The following TRPM7 variants were observed in gnomAD, a reference collection of about 807,000 sequenced individuals.
The protein encoded by TRPM7 is LTRPC ion channel family member 7.
Under a neutral mutation model 229.7 loss-of-function variants are expected in TRPM7, and 134 were observed. The ratio of observed to expected loss-of-function variants is 0.58; its 90% CI spans 0.51 to 0.67. The LOEUF (loss-of-function observed/expected upper bound fraction) is 0.67. Ranked by LOEUF, TRPM7 falls within the 30% of genes least tolerant of loss-of-function variation. TRPM7 has a pLI of 0.00. For missense variants in TRPM7, 1,901 were observed against 2,210.0 expected (o/e 0.86, Z 2.80); for synonymous variants, 699 against 715.2 (o/e 0.98, Z 0.36).
intron 36 of TRPM7, among the ~76,000 whole-genome samples, 168 bp from the exon 37 acceptor site, chr15:50,570,323 T>A (rs1029659505): frequency 1.3e-5 from 2 of 152,176 alleles, no homozygotes; most frequent in African/African-American, 4.8e-5. Flanking sequence ...ATTTCATAAC[T>A]TGATTTATGA....
chr15:50,668,366 T>C (rs1243030811), intron 1 of TRPM7, among the ~76,000 whole-genome samples: 1 of 152,218 alleles, frequency 6.6e-6, no homozygotes, highest in Non-Finnish European at 1.5e-5. Context: ...CAGTCAAGGA[T>C]TTGAGCTATT....
At position 50,648,546 on chromosome 15, in the gene TRPM7, C is replaced by A. The variant is rs919403029; in HGVS notation, c.321+141G>T. 1.2e-5 allele frequency: 7 copies of A among 579,992 alleles called. No individual in the cohort carries two copies. In the African/African-American group the frequency reaches 1.4e-4, roughly 11 times the overall value. 35.9% of individuals were successfully genotyped at this position (579,992 alleles called of 1,614,324 possible). On this transcript the variant is annotated intron_variant, in intron 4 of 38. Transcript: ENST00000646667. ...TTCAATCCACCAGAAAGATACAATT[C>A]TATATTTGTATGCACCTTTGTACTT...
intron 36 of TRPM7, among the ~76,000 whole-genome samples, chr15:50,570,864 C>T (rs1415885194): frequency 3.4e-5 from 5 of 147,672 alleles, no homozygotes; most frequent in Non-Finnish European, 5.9e-5. Flanking sequence ...AAAAAAAAAA[C>T]AAAAACAAAA....
chr15:50,682,600 G>C (rs1596358528), intron 1 of TRPM7, among the ~76,000 whole-genome samples: 2 of 151,234 alleles, frequency 1.3e-5, no homozygotes. Context: ...AAATTCCAGA[G>C]CAATTTCCTA....
At chr15:50,569,085 TA>T (rs2053750325) in intron 38 of TRPM7, among the ~76,000 whole-genome samples, 1 of 152,082 alleles carries the variant, frequency 6.6e-6, no homozygotes, top group Non-Finnish European at 1.5e-5. Context: ...AGGGTCTCAC[TA>T]TGTTGCCCAA....
intron 1 of TRPM7, among the ~76,000 whole-genome samples, chr15:50,679,502 T>TACAC (rs1491462521): frequency 2.4e-5 from 2 of 84,784 alleles, no homozygotes; most frequent in African/African-American, 9.4e-5. Flanking sequence ...TATATATGTG[T>TACAC]ATATATATAA....
At chr15:50,588,716 G>T (rs116093737) in intron 27 of TRPM7, among the ~76,000 whole-genome samples, 1 of 152,026 alleles carries the variant, frequency 6.6e-6, no homozygotes, top group Non-Finnish European at 1.5e-5. Context: ...TAATTATCTT[G>T]TTGTAGCCAC....
chr15:50,605,176 A>T (rs1485966277), intron 20 of TRPM7, 32 bp from the exon 21 acceptor site: 10 of 1,533,152 alleles, frequency 6.5e-6, no homozygotes, highest in Non-Finnish European at 7.9e-6. Context: ...AAAAAAGTGT[A>T]ATCAGTTTAT....
At chr15:50,598,122 T>C (rs897807078) in intron 22 of TRPM7, among the ~76,000 whole-genome samples, 2 of 151,844 alleles carry the variant, frequency 1.3e-5, no homozygotes, top group Non-Finnish European at 2.9e-5. Flanking sequence ...CTTGACCTAA[T>C]CACCCATAAA....
intron 1 of TRPM7, among the ~76,000 whole-genome samples, chr15:50,679,366 G>A (rs1478147226): frequency 6.7e-6 from 1 of 149,954 alleles, no homozygotes; most frequent in Non-Finnish European, 1.5e-5. Flanking sequence ...TGGACGCTTG[G>A]ACGTTCACAC....
intron 13 of TRPM7, among the ~76,000 whole-genome samples, chr15:50,618,397 C>T (rs573671595): frequency 1.3e-5 from 2 of 151,914 alleles, no homozygotes; most frequent in African/African-American, 2.4e-5. Context: ...GGTGAAACCC[C>T]GTCTCTACTA....
chr15:50,596,713 A>T (rs1039512371), intron 22 of TRPM7, among the ~76,000 whole-genome samples: 8 of 152,208 alleles, frequency 5.3e-5, no homozygotes, highest in African/African-American at 1.9e-4. Flanking sequence ...AAATTCCTGG[A>T]TCAACCATAT....
intron 27 of TRPM7, among the ~76,000 whole-genome samples, chr15:50,589,232 G>C (rs1489009728): frequency 7.0e-6 from 1 of 142,070 alleles, no homozygotes; most frequent in East Asian, 2.2e-4. Flanking sequence ...TGAGGCAGGA[G>C]AATCACTTGA....
At chr15:50,622,612 C>A (rs1284001348) in intron 12 of TRPM7, among the ~76,000 whole-genome samples, 1 of 152,076 alleles carries the variant, frequency 6.6e-6, no homozygotes, top group East Asian at 1.9e-4. Context: ...GAAGCTGGGC[C>A]CAGTGGCTCA....
chr15:50,643,188 C>G (rs1171955923), intron 5 of TRPM7, 152 bp downstream of exon 5: 9 of 612,380 alleles, frequency 1.5e-5, no homozygotes, highest in Non-Finnish European at 2.3e-5. Flanking sequence ...ACTCTGGAGG[C>G]TGAGGCAGGA....
intron 28 of TRPM7, 86 bp downstream of exon 28, chr15:50,586,306 T>A: frequency 1.1e-6 from 1 of 872,692 alleles, no homozygotes. Context: ...CACCATTCAC[T>A]GCTCATGTGT....
chr15:50,580,213 CTTTTT>C (rs35947660), intron 30 of TRPM7, among the ~76,000 whole-genome samples: 1 of 149,642 alleles, frequency 6.7e-6, no homozygotes, highest in Non-Finnish European at 1.5e-5. Flanking sequence ...CAAAACAAGA[CTTTTT>C]TTTTTATTTT....
chr15:50,611,348 A>G, intron 16 of TRPM7, 27 bp from the exon 17 acceptor site: 1 of 1,568,066 alleles, frequency 6.4e-7, no homozygotes. Context: ...GCCAAAATAT[A>G]CTCAGATTAA....
intron 7 of TRPM7, among the ~76,000 whole-genome samples, chr15:50,635,048 T>C (rs1384971738): frequency 1.3e-5 from 2 of 152,122 alleles, no homozygotes; most frequent in Admixed American, 1.3e-4. Flanking sequence ...CCGGGCGTGG[T>C]GGCTCATGCC....
Sources: gnomAD v4.1 joint callset for allele counts (sites outside exome capture counted in the v4.1 genomes callset) on GRCh38, gnomAD v4.1.1 for gene constraint, MANE v1.5 for transcripts, NCBI Gene and HGNC (gene_info 2026-07-23, HGNC 2026-07-21) for gene names.